Variants in STK32B observed in about 807,000 individuals in gnomAD.
STK32B encodes the protein serine/threonine-protein kinase 32B.
In STK32B, 43 loss-of-function variants were observed where a neutral mutation model predicts 52.6. The observed-to-expected ratio is 0.82, with a 90% CI of 0.64 to 1.05. STK32B has a LOEUF of 1.05. Ranked by LOEUF, STK32B falls within the 50% of genes least tolerant of loss-of-function variation. The probability of loss-of-function intolerance (pLI) is 0.00; values close to 1 mark genes in which losing one functional copy is unlikely to be tolerated. For synonymous variants in STK32B, 238 were observed against 204.3 expected, an observed-to-expected ratio of 1.17 and a Z score of -1.41; for missense variants, 621 against 534.6, an observed-to-expected ratio of 1.16 and a Z score of -1.59.
At chr4:5,123,267 C>G (rs979745025) in intron 1 of STK32B, among the ~76,000 whole-genome samples, 9 of 152,244 alleles carry the variant, frequency 5.9e-5, no homozygotes, top group Admixed American at 5.9e-4. Flanking sequence ...TCAAGTTTCC[C>G]CCATTTCTTC....
intron 3 of STK32B, among the ~76,000 whole-genome samples, chr4:5,314,574 G>A (rs1011321803): frequency 6.8e-4 from 103 of 152,304 alleles, no homozygotes; most frequent in African/African-American, 2.3e-3. Flanking sequence ...GGAGGCTGAG[G>A]CAGGAGAATC....
chr4:5,325,222 C>G (rs1731795620), intron 3 of STK32B, among the ~76,000 whole-genome samples: 1 of 152,150 alleles, frequency 6.6e-6, no homozygotes, highest in African/African-American at 2.4e-5. Flanking sequence ...TTTATGTAGA[C>G]TCATGGTTCA....
chr4:5,022,115 T>C, the STK32B span, among the ~76,000 whole-genome samples: 1 of 152,172 alleles, frequency 6.6e-6, no homozygotes, highest in Non-Finnish European at 1.5e-5. Flanking sequence ...GGGAATTCTA[T>C]CTGCTTTCTG....
In STK32B at chr4:5,398,321, G is replaced by A. The variant is rs376154904; in HGVS notation, c.472+77G>A. The A allele has an allele frequency of 6.6e-7, 1 of 1,521,808 alleles. No homozygotes were observed. The highest frequency in any genetic ancestry group is 1.4e-5 in the African/African-American group (1 of 72,678). 94.3% of individuals were successfully genotyped at this position (1,521,808 alleles called of 1,614,324 possible). ...ACTGGGAAATAGTGCGGGGGTGGGG[G>A]TTGGGTCTTGCTGAGTTGGACATTA... On this transcript the variant is annotated intron_variant, in intron 5 of 11. Coordinates refer to ENST00000282908, the MANE Select transcript of STK32B (RefSeq NM_018401.3). The surrounding 1 kb of genome is among the most constrained non-coding windows in gnomAD (Gnocchi z 4.9).
chr4:5,215,700 A>G (rs1338371154), intron 3 of STK32B, among the ~76,000 whole-genome samples: 1 of 152,146 alleles, frequency 6.6e-6, no homozygotes, highest in African/African-American at 2.4e-5. Flanking sequence ...GTTTAAACCA[A>G]AGCCACTCTG....
At chr4:5,311,848 A>G (rs1407295837) in intron 3 of STK32B, among the ~76,000 whole-genome samples, 1 of 151,910 alleles carries the variant, frequency 6.6e-6, no homozygotes, top group African/African-American at 2.4e-5. Flanking sequence ...TTGAGGAAGA[A>G]TTAGCACCAG....
At chr4:5,358,726 C>T (rs1472766101) in intron 4 of STK32B, among the ~76,000 whole-genome samples, 1 of 149,288 alleles carries the variant, frequency 6.7e-6, no homozygotes, top group African/African-American at 2.5e-5. Context: ...CACACACAGG[C>T]ACACAAAGGC....
At chr4:5,246,156 C>G (rs1041607700) in intron 3 of STK32B, among the ~76,000 whole-genome samples, 5 of 152,172 alleles carry the variant, frequency 3.3e-5, no homozygotes, top group Non-Finnish European at 7.3e-5. Context: ...TGGATAATAT[C>G]CTGCAGAGTG....
rs28624823 is a variant in STK32B at position 5,497,230 on chromosome 4, T to C, written c.1107-1715T>C. ...AAATATGTTGGCATGCCTTTGAACTTTGAGAGCCCCATTCTGTGAATGTTC... is the reference window on the plus strand; with the variant it reads ...AAATATGTTGGCATGCCTTTGAACTCTGAGAGCCCCATTCTGTGAATGTTC... On this transcript the variant is annotated intron_variant, in intron 11 of 11. Coordinates refer to ENST00000282908, the MANE Select transcript of STK32B (RefSeq NM_018401.3). Among the ~76,000 whole-genome samples, 529 of 152,308 alleles carry C rather than the reference T, an allele frequency of 3.5e-3. 7 individuals carry two copies. The highest frequency in any genetic ancestry group is 0.012 in the African/African-American group (499 of 41,572).
intron 3 of STK32B, among the ~76,000 whole-genome samples, chr4:5,230,032 G>A (rs987781280): frequency 3.3e-5 from 5 of 151,786 alleles, no homozygotes; most frequent in East Asian, 1.9e-4. Flanking sequence ...CGCTCTTGTC[G>A]TCCAGGCTGA....
At position 5,249,661 on chromosome 4, in the gene STK32B, C is replaced by G. The variant is rs75794444; in HGVS notation, c.260+81211C>G. Among the ~76,000 whole-genome samples, 1,222 of 152,302 alleles carry G rather than the reference C, an allele frequency of 8.0e-3. 10 individuals are homozygous for G. The highest frequency in any genetic ancestry group is 0.022 in the Admixed American group (334 of 15,294). On this transcript the variant is annotated intron_variant, in intron 3 of 11. Coordinates refer to ENST00000282908, the MANE Select transcript of STK32B (RefSeq NM_018401.3). ...AAATAATTTTCTCAGCATAATTTCACTCTTCCTTGATCCAGATATCAAATA... is the reference window on the plus strand; with the variant it reads ...AAATAATTTTCTCAGCATAATTTCAGTCTTCCTTGATCCAGATATCAAATA...
intron 9 of STK32B, among the ~76,000 whole-genome samples, chr4:5,461,364 G>A (rs754712010): frequency 1.3e-5 from 2 of 152,154 alleles, no homozygotes; most frequent in South Asian, 2.1e-4. Flanking sequence ...AGCCTCAGAC[G>A]TCCCTGGCTA....
At chr4:5,441,525 T>C (rs200386511) in intron 6 of STK32B, among the ~76,000 whole-genome samples, 1,922 of 151,096 alleles carry the variant, frequency 0.013, 59 homozygotes, top group East Asian at 0.075. Context: ...TAGCAGTCTA[T>C]CTATTTTGTT....
the STK32B span, among the ~76,000 whole-genome samples, chr4:5,023,597 C>T: frequency 6.6e-6 from 1 of 152,170 alleles, no homozygotes; most frequent in Non-Finnish European, 1.5e-5. Context: ...CATTCTCATT[C>T]TTCAATGTCT....
intron 1 of STK32B, 53 bp downstream of exon 1, chr4:5,051,968 A>T: frequency 6.4e-7 from 1 of 1,552,808 alleles, no homozygotes; most frequent in Non-Finnish European, 8.7e-7. Flanking sequence ...CCCTTCCTCC[A>T]CCACCCTCGG....
intron 3 of STK32B, among the ~76,000 whole-genome samples, chr4:5,312,242 T>TA (rs1271027457): frequency 6.1e-5 from 9 of 148,106 alleles, no homozygotes; most frequent in African/African-American, 2.3e-4. Flanking sequence ...TTTATGGTTT[T>TA]ACCGCTTACG....
intron 1 of STK32B, among the ~76,000 whole-genome samples, chr4:5,105,712 C>T (rs543242418): frequency 2.8e-4 from 42 of 151,932 alleles, no homozygotes; most frequent in Non-Finnish European, 4.7e-4. Flanking sequence ...CACAGGCGCC[C>T]GCCACCACGC....
At chr4:5,465,997 G>A (rs137878003) in intron 9 of STK32B, among the ~76,000 whole-genome samples, 10 of 152,352 alleles carry the variant, frequency 6.6e-5, no homozygotes, top group African/African-American at 1.9e-4. Flanking sequence ...AGATCAGGAA[G>A]TAGCAGAACT....
At chr4:5,041,779 T>C in the STK32B span, among the ~76,000 whole-genome samples, 2 of 149,892 alleles carry the variant, frequency 1.3e-5, no homozygotes, top group Non-Finnish European at 3.0e-5. Context: ...TTTCTTATCT[T>C]GGTGTGCCAC....
Sources: gnomAD v4.1 joint callset for allele counts (sites outside exome capture counted in the v4.1 genomes callset) on GRCh38, gnomAD v4.1.1 for gene constraint, Gnocchi (gnomAD v3.1) non-coding constraint, MANE v1.5 for transcripts, NCBI Gene and HGNC (gene_info 2026-07-23, HGNC 2026-07-21) for gene names.